The following BTAF1 variants were observed in gnomAD, a reference collection of about 807,000 sequenced individuals.
BTAF1 encodes B-TFIID TATA-box binding protein associated factor 1.
Under a neutral mutation model 227.1 loss-of-function variants are expected in BTAF1, and 38 were observed. That is an observed-to-expected ratio of 0.17 (90% CI 0.13 to 0.22). BTAF1 has a LOEUF of 0.22. Ranked by LOEUF, BTAF1 falls within the 10% of genes least tolerant of loss-of-function variation. The pLI is 1.00. For missense variants in BTAF1, 1,598 were observed against 2,204.0 expected, an observed-to-expected ratio of 0.73 and a Z score of 5.51; for synonymous variants, 742 against 751.9, an observed-to-expected ratio of 0.99 and a Z score of 0.21.
chr10:91,998,581 A>C (rs1849295400), intron 25 of BTAF1, among the ~76,000 whole-genome samples: 1 of 152,218 alleles, frequency 6.6e-6, no homozygotes, highest in Admixed American at 6.5e-5. Flanking sequence ...GGCTTGAAAC[A>C]CAGAAAGAGC....
rs1481465588 is a variant in BTAF1, at chr10:91,981,898, A to G, written c.1905+106A>G. 2.9e-6 allele frequency: 4 copies of G among 1,384,300 alleles called. No homozygotes were observed. In the Admixed American group the frequency reaches 1.1e-4, roughly 39 times the overall value. The allele number at this position is 1,384,300 out of a possible 1,614,324, so 85.8% of individuals were successfully genotyped here. A position where few individuals can be genotyped will look rare whatever the true frequency, so the allele number is the denominator to read the frequency against. On this transcript the variant is annotated intron_variant, in intron 16 of 37. Coordinates refer to ENST00000265990, the MANE Select transcript of BTAF1 (RefSeq NM_003972.3). The stretch of plus-strand genomic sequence containing the variant: ...TTGCCTTAAGTGTGATTTAATTAAC[A>G]TAAGTAAGGAGAAACCGTTATTTTA...
chr10:91,960,222 T>G, intron 11 of BTAF1, 68 bp downstream of exon 11: 1 of 1,472,372 alleles, frequency 6.8e-7, no homozygotes, highest in South Asian at 1.3e-5. Flanking sequence ...TTTTCACTAA[T>G]TAGACGAAAT....
At chr10:91,985,923 C>G (rs1440495373) in intron 19 of BTAF1, among the ~76,000 whole-genome samples, 1 of 151,768 alleles carries the variant, frequency 6.6e-6, no homozygotes, top group Non-Finnish European at 1.5e-5. Flanking sequence ...TTTTGATTCT[C>G]TTAATGCTGT....
rs1430006268 is a variant in BTAF1, at chr10:91,993,809, T to G, written c.3161T>G (p.Val1054Gly). 2 of 1,608,256 alleles carry G rather than the reference T, an allele frequency of 1.2e-6. No individual in the cohort carries two copies. The highest frequency in any genetic ancestry group is 1.7e-5 in the Admixed American group (1 of 59,834). ...TTGCCACATCTCTGGGATGCTATGG[T>G]TGGCCCATTGAGGAATACAATCGAC... ...VKLPHLWDAM[V>G]GPLRNTIDIN... Residue 1054 changes from valine (V) to glycine (G), a missense_variant, in exon 22 of 38, where the codon GTT becomes GGT. Physicochemically the swap from Val to Gly is moderately radical, Grantham distance 109 (BLOSUM62 -3). Around this residue, in one of 10 missense-constraint regions of BTAF1, gnomAD observed 425 missense variants for 491.2 expected, o/e 0.87. Coordinates refer to ENST00000265990, the MANE Select transcript of BTAF1 (RefSeq NM_003972.3).
At chr10:91,935,090 A>T in intron 1 of BTAF1, 1 of 152,098 alleles carries the variant, frequency 6.6e-6, no homozygotes, top group Non-Finnish European at 1.5e-5. Context: ...GGTCACTTTT[A>T]TTTTTATTTT....
At chr10:92,027,450 G>A in intron 37 of BTAF1, 150 bp downstream of exon 37, 1 of 656,476 alleles carries the variant, frequency 1.5e-6, no homozygotes, top group Non-Finnish European at 2.5e-6. Flanking sequence ...GATAAATTCT[G>A]CAGCATACTA....
chr10:91,956,484 A>G lies in BTAF1; in HGVS notation c.702-44A>G, dbSNP rs546824353. On this transcript the variant is annotated intron_variant, in intron 6 of 37. Transcript: ENST00000265990. ...ATTCATTTCATTCATTGTGGTTCAC[A>G]TTACGCTTTATTCATTTTCTAAATG... 1.2e-4 allele frequency: 188 copies of G among 1,558,162 alleles called. 1 individual carries two copies. In the South Asian group the frequency reaches 2.1e-3, roughly 17 times the overall value.
chr10:91,990,030 G>A lies in BTAF1; in HGVS notation c.2854+450G>A, dbSNP rs148484888. On this transcript the variant is annotated intron_variant, in intron 20 of 37. Transcript: ENST00000265990. ...TTAGTGCATGTTTTATGAGATTAGT[G>A]AACTTTTAGTACTTTTAGTAAATAA... Among the ~76,000 whole-genome samples the A allele has an allele frequency of 2.0e-5, 3 of 152,280 alleles. No homozygotes were observed. In the East Asian group the frequency reaches 5.8e-4, roughly 29 times the overall value.
chr10:91,942,867 G>A (rs942416904), intron 4 of BTAF1, among the ~76,000 whole-genome samples: 3 of 152,048 alleles, frequency 2.0e-5, no homozygotes, highest in African/African-American at 4.8e-5. Context: ...TTCCCCAAGA[G>A]CCCCAGTTTA....
chr10:91,994,685 C>A, intron 23 of BTAF1, 41 bp downstream of exon 23: 1 of 1,508,746 alleles, frequency 6.6e-7, no homozygotes, highest in Non-Finnish European at 9.2e-7. Context: ...TCAAATAAAA[C>A]AAGTGGTCTT....
chr10:91,975,092 T>C (rs1847591241), intron 14 of BTAF1, among the ~76,000 whole-genome samples: 1 of 152,214 alleles, frequency 6.6e-6, no homozygotes, highest in South Asian at 2.1e-4. Context: ...GTAACTGTTG[T>C]TGCCAGACAA....
intron 7 of BTAF1, 117 bp from the exon 8 acceptor site, chr10:91,957,108 A>G (rs1846158136): frequency 1.5e-6 from 1 of 667,682 alleles, no homozygotes; most frequent in South Asian, 3.0e-5. Flanking sequence ...AAAAAATTAA[A>G]TTTTTAAAAG....
intron 11 of BTAF1, among the ~76,000 whole-genome samples, 189 bp from the exon 12 acceptor site, chr10:91,962,349 G>C (rs937094420): frequency 2.0e-5 from 3 of 152,126 alleles, no homozygotes. Flanking sequence ...GTTTGTGTAA[G>C]TACACTCTAT....
At chr10:92,024,303 C>T (rs915662681) in intron 34 of BTAF1, among the ~76,000 whole-genome samples, 4 of 152,126 alleles carry the variant, frequency 2.6e-5, no homozygotes, top group South Asian at 2.1e-4. Flanking sequence ...AGTTTGTCTG[C>T]GGCATCTTCT....
intron 25 of BTAF1, among the ~76,000 whole-genome samples, chr10:92,001,920 C>G (rs1849555790): frequency 6.7e-6 from 1 of 148,160 alleles, no homozygotes; most frequent in Admixed American, 6.8e-5. Flanking sequence ...TGAAACCACC[C>G]TGGACAACAT....
chr10:92,010,539 A>G (rs1179315128), intron 28 of BTAF1, among the ~76,000 whole-genome samples: 1 of 152,230 alleles, frequency 6.6e-6, no homozygotes, highest in African/African-American at 2.4e-5. Context: ...TTGGTAGATA[A>G]GATGACAATG....
At position 91,946,985 on chromosome 10, in the gene BTAF1, TG is replaced by T. The variant is rs747987241; in HGVS notation, c.401-4416del. 2.2e-4 allele frequency among the ~76,000 whole-genome samples: 33 copies of T among 152,018 alleles called. 1 individual carries two copies. In the East Asian group the frequency reaches 4.5e-3, roughly 21 times the overall value. On this transcript the variant is annotated intron_variant, in intron 4 of 37. Coordinates refer to ENST00000265990, the MANE Select transcript of BTAF1 (RefSeq NM_003972.3). ...TTCTTCCTGCAGTAGCTGGGATTACTGGTGCCTGCCCCACACCCAGCTAATT... is the reference window on the plus strand; with the variant it reads ...TTCTTCCTGCAGTAGCTGGGATTACTGTGCCTGCCCCACACCCAGCTAATT...
rs143083029 is a variant in BTAF1 at position 92,018,901 on chromosome 10, T to C, written c.4829T>C (p.Ile1610Thr). The change falls in exon 34 of 38, where the codon ATT (isoleucine) becomes ACT (threonine). Residue 1610 changes from isoleucine (I) to threonine (T), a missense_variant. Transcript: ENST00000265990. ...GTTCAGAATTCTTCTCTACATGATA[T>C]TCAACATGCCCCTAAGCTCTCAGCT... ...LAVQNSSLHD[I>T]QHAPKLSALK... The C allele has an allele frequency of 3.1e-6, 5 of 1,605,746 alleles. No homozygotes were observed. The African/African-American group carries it at 6.7e-5, about 22-fold the overall frequency.
Position 91,923,820 on chromosome 10 carries a change from C to T in BTAF1, c.-257C>T, listed in dbSNP as rs895341937. On this transcript the variant is annotated 5_prime_UTR_variant, in exon 1 of 38. Transcript: ENST00000265990. ...AGCAAAGAGCGGAGCTGAGGGTACC[C>T]GGTTTGAAGTCGTGCGGGTCGGAGG... 1.6e-5 allele frequency: 7 copies of T among 425,264 alleles called. No homozygotes were observed. Among genetic ancestry groups the T allele is most frequent in the African/African-American group, 4.1e-5 (2 of 48,392 alleles). 26.3% of individuals were successfully genotyped at this position (425,264 alleles called of 1,614,324 possible).
Sources: gnomAD v4.1 joint callset for allele counts (sites outside exome capture counted in the v4.1 genomes callset) on GRCh38, gnomAD v4.1.1 for gene constraint, gnomAD v4.1.1 regional missense constraint, MANE v1.5 for transcripts, NCBI Gene and HGNC (gene_info 2026-07-23, HGNC 2026-07-21) for gene names.